Variants in TTC39C observed in about 807,000 individuals in gnomAD.
The protein encoded by TTC39C is tetratricopeptide repeat domain 39C, also known as tetratricopeptide repeat protein 39C.
TTC39C carries 33 observed loss-of-function variants against 76.3 expected under a neutral mutation model. The ratio of observed to expected loss-of-function variants is 0.43; its 90% confidence interval spans 0.33 to 0.58. The LOEUF (loss-of-function observed/expected upper bound fraction) is 0.58, where lower values mean the gene tolerates loss of function less well. Among genes scored for constraint, TTC39C ranks in the 20% least tolerant of loss-of-function variants. TTC39C has a pLI of 0.04. For missense variants in TTC39C, 595 were observed against 701.4 expected, an observed-to-expected ratio of 0.85 and a Z score of 1.71; for synonymous variants, 254 against 260.6, an observed-to-expected ratio of 0.97 and a Z score of 0.24.
upstream of TTC39C, among the ~76,000 whole-genome samples, chr18:24,013,815 T>A (rs2083412131): frequency 6.6e-6 from 1 of 152,258 alleles, no homozygotes; most frequent in Admixed American, 6.5e-5. Flanking sequence ...CAGCCCATCA[T>A]CAGAACAGTG....
intron 1 of TTC39C, among the ~76,000 whole-genome samples, chr18:24,035,100 G>A (rs145519308): frequency 3.4e-4 from 51 of 152,028 alleles, no homozygotes; most frequent in African/African-American, 1.1e-3. Flanking sequence ...ACGTACAGTG[G>A]TGTGATCAGA....
At chr18:24,054,972 T>C (rs140670721) in intron 1 of TTC39C, among the ~76,000 whole-genome samples, 4 of 152,366 alleles carry the variant, frequency 2.6e-5, no homozygotes, top group African/African-American at 9.6e-5. Context: ...TGATAGGTAC[T>C]TCATAGAAGT....
At chr18:24,098,345 C>T in intron 6 of TTC39C, among the ~76,000 whole-genome samples, 1 of 148,854 alleles carries the variant, frequency 6.7e-6, no homozygotes, top group East Asian at 2.0e-4. Context: ...TTAAGGAAGA[C>T]CTAGAATTCA....
chr18:24,098,112 C>G (rs1217088964), intron 6 of TTC39C, among the ~76,000 whole-genome samples: 1 of 152,040 alleles, frequency 6.6e-6, no homozygotes, highest in Non-Finnish European at 1.5e-5. Context: ...ATATACATAA[C>G]TATCAGTTTC....
At chr18:24,047,395 C>T (rs2083898234) in intron 1 of TTC39C, among the ~76,000 whole-genome samples, 1 of 152,118 alleles carries the variant, frequency 6.6e-6, no homozygotes, top group African/African-American at 2.4e-5. Flanking sequence ...GCATGGCCAA[C>T]ATTGATATAT....
At chr18:24,054,998 T>C (rs2145717416) in intron 1 of TTC39C, among the ~76,000 whole-genome samples, 1 of 152,354 alleles carries the variant, frequency 6.6e-6, no homozygotes, top group Admixed American at 6.5e-5. Flanking sequence ...CATACAGTAT[T>C]AATCTTTTTG....
intron 1 of TTC39C, chr18:24,022,946 C>T: frequency 1.1e-6 from 1 of 913,530 alleles, no homozygotes; most frequent in Non-Finnish European, 1.3e-6. Flanking sequence ...TTATCCGGCA[C>T]TTGTGTTGCA....
At position 24,005,853 on chromosome 18, in the gene TTC39C, A is replaced by AC. The variant is rs2083347690; in HGVS notation, c.-17+12815_-17+12816insC. Among the ~76,000 whole-genome samples, 5 of 151,942 alleles carry AC rather than the reference A, an allele frequency of 3.3e-5. No individual in the cohort carries two copies. The South Asian group carries it at 8.3e-4, about 25-fold the overall frequency. ...GAGTGAGACCCTGTCTCAAAAAAAA[A>AC]AAAACAAAAAACCCAATAACTAAAT... On this transcript the variant is annotated intron_variant, in intron 1 of 13. Coordinates refer to the TTC39C transcript ENST00000304621.
intron 1 of TTC39C, among the ~76,000 whole-genome samples, chr18:24,052,144 T>C (rs2083958766): frequency 6.6e-6 from 1 of 152,192 alleles, no homozygotes; most frequent in Admixed American, 6.5e-5. Context: ...TCAGATTTCA[T>C]CAAATATGGT....
chr18:24,043,762 G>T (rs2083826674), intron 1 of TTC39C, among the ~76,000 whole-genome samples: 1 of 152,202 alleles, frequency 6.6e-6, no homozygotes. Flanking sequence ...CTGAGCAAAG[G>T]CACATGGGAA....
At chr18:24,012,746 C>T (rs1019511074), upstream of TTC39C, among the ~76,000 whole-genome samples, 1 of 152,042 alleles carries the variant, frequency 6.6e-6, no homozygotes, top group Non-Finnish European at 1.5e-5. Flanking sequence ...AGGGTGACCT[C>T]GGGCAGTGTG....
chr18:24,031,760 T>C (rs1002204865), intron 1 of TTC39C, among the ~76,000 whole-genome samples: 1 of 152,184 alleles, frequency 6.6e-6, no homozygotes, highest in African/African-American at 2.4e-5. Context: ...CTAAAATCTC[T>C]TTTGCAGCCT....
chr18:24,035,867 A>T (rs559778608), intron 1 of TTC39C, among the ~76,000 whole-genome samples: 38 of 152,214 alleles, frequency 2.5e-4, no homozygotes, highest in Admixed American at 8.5e-4. Flanking sequence ...ATCCAATGTG[A>T]TGAAGCTTTT....
Position 24,080,716 on chromosome 18 carries a change from A to G in TTC39C, c.592A>G (p.Asn198Asp), listed in dbSNP as rs1278611523. The G allele has an allele frequency of 2.1e-5, 34 of 1,614,040 alleles. No homozygotes were observed. Among genetic ancestry groups the G allele is most frequent in the Non-Finnish European group, 2.8e-5 (33 of 1,180,024 alleles). The change falls in exon 5 of 14, where the codon AAT becomes GAT. Residue 198 changes from asparagine to aspartate, a missense_variant. By Grantham distance (23) the Asn-to-Asp change is conservative. Transcript: ENST00000317571. ...TEESLTSDAA[N>D]DNHIVAEGVS... ...AGAGTCCTTGACTTCTGATGCTGCA[A>G]ATGATAATCACATTGTGGCTGAAGG...
intron 1 of TTC39C, among the ~76,000 whole-genome samples, chr18:24,063,348 C>T (rs901940668): frequency 6.6e-6 from 1 of 152,078 alleles, no homozygotes; most frequent in Admixed American, 6.5e-5. Flanking sequence ...AGTGAAGAGA[C>T]CCTTTGATCT....
chr18:24,117,066 C>T (rs2084903120), intron 7 of TTC39C, among the ~76,000 whole-genome samples: 1 of 151,996 alleles, frequency 6.6e-6, no homozygotes, highest in South Asian at 2.1e-4. Context: ...GATCCTCCCA[C>T]CTCAGCCTCC....
At chr18:24,071,697 G>A (rs1376248818) in intron 4 of TTC39C, among the ~76,000 whole-genome samples, 1 of 152,120 alleles carries the variant, frequency 6.6e-6, no homozygotes, top group Non-Finnish European at 1.5e-5. Flanking sequence ...CCTCATGAAC[G>A]TTTAGACTGG....
chr18:24,055,237 C>T (rs952170821), intron 1 of TTC39C, among the ~76,000 whole-genome samples: 1 of 152,070 alleles, frequency 6.6e-6, no homozygotes, highest in African/African-American at 2.4e-5. Flanking sequence ...TCCCTGCTTT[C>T]AATTCTTTTG....
chr18:24,102,769 T>C (rs144114687), intron 6 of TTC39C, among the ~76,000 whole-genome samples: 2 of 152,236 alleles, frequency 1.3e-5, no homozygotes, highest in Non-Finnish European at 2.9e-5. Context: ...CCTCTGATGA[T>C]GATGATGAGA....
Sources: gnomAD v4.1 joint callset for allele counts (sites outside exome capture counted in the v4.1 genomes callset) on GRCh38, gnomAD v4.1.1 for gene constraint, MANE v1.5 for transcripts, NCBI Gene and HGNC (gene_info 2026-07-23, HGNC 2026-07-21) for gene names.